Variants in SUN1 observed in about 807,000 individuals in gnomAD.
The protein encoded by SUN1 is Sad1 and UNC84 domain containing 1.
Under a neutral mutation model 103.2 loss-of-function variants are expected in SUN1, and 61 were observed. That is an observed-to-expected ratio of 0.59 (90% CI 0.48 to 0.73). The LOEUF (loss-of-function observed/expected upper bound fraction) is 0.73. Among genes scored for constraint, SUN1 ranks in the 30% least tolerant of loss-of-function variants. The pLI is 0.00. For synonymous variants in SUN1, 490 were observed against 425.7 expected (o/e 1.15, Z -1.86); for missense variants, 1,052 against 1,034.6 (o/e 1.02, Z -0.23).
chr7:869,290 C>T (rs958593682), intron 16 of SUN1, 59 bp from the exon 17 acceptor site: 40 of 1,550,628 alleles, frequency 2.6e-5, no homozygotes, highest in Non-Finnish European at 1.7e-6. Context: ...CCTCTTCCTG[C>T]TGCTAAGTGG....
At chr7:872,089 CTCA>C (rs2128595452) in intron 17 of SUN1, among the ~76,000 whole-genome samples, 1 of 152,304 alleles carries the variant, frequency 6.6e-6, no homozygotes, top group African/African-American at 2.4e-5. Context: ...CTGGTGAGGC[CTCA>C]TCTCCCCGGG....
intron 2 of SUN1, among the ~76,000 whole-genome samples, chr7:840,434 C>T (rs1249208243): frequency 6.6e-6 from 1 of 152,240 alleles, no homozygotes; most frequent in Non-Finnish European, 1.5e-5. Flanking sequence ...CCGCGCCACG[C>T]TCCTGTGGCC....
In SUN1 at chr7:843,602, A is replaced by G. The variant is rs780632372; in HGVS notation, c.658+82A>G. ...CCTTTCTGTAAGTCTCAGTGTCTGC[A>G]CTATTTGTCTTGGAGACTTAAAATT... On this transcript the variant is annotated intron_variant, in intron 5 of 18. Coordinates refer to ENST00000401592, the MANE Select transcript of SUN1 (RefSeq NM_001130965.3). 66 of 1,611,724 alleles carry G rather than the reference A, an allele frequency of 4.1e-5. No individual in the cohort carries two copies. In the African/African-American group the frequency reaches 7.9e-4, roughly 19 times the overall value.
At chr7:851,343 C>T (rs1363099518) in intron 5 of SUN1, 41 bp from the exon 6 acceptor site, 28 of 1,530,258 alleles carry the variant, frequency 1.8e-5, no homozygotes, top group Non-Finnish European at 2.4e-5. Flanking sequence ...GAGGCTGGTC[C>T]CTGGCGTCTG....
chr7:855,490 G>C (rs565076004), intron 11 of SUN1, among the ~76,000 whole-genome samples: 18 of 152,362 alleles, frequency 1.2e-4, no homozygotes, highest in African/African-American at 3.4e-4. Context: ...GAGTCGGGTC[G>C]GGCTCAGGTT....
upstream of SUN1, chr7:816,297 C>G (rs999837045): frequency 4.8e-6 from 1 of 207,060 alleles, no homozygotes; most frequent in African/African-American, 3.5e-5. Flanking sequence ...CCAGCAGGTG[C>G]AGACCCCTCC....
chr7:866,892 G>A (rs1354871480), intron 16 of SUN1, among the ~76,000 whole-genome samples: 2 of 151,096 alleles, frequency 1.3e-5, no homozygotes, highest in Non-Finnish European at 2.9e-5. Context: ...ACTATTGGCT[G>A]TACAAGTTTA....
At chr7:831,273 C>CTTTT (rs66807442), upstream of SUN1, among the ~76,000 whole-genome samples, 1 of 136,198 alleles carries the variant, frequency 7.3e-6, no homozygotes. Context: ...TTGAAACGTG[C>CTTTT]TTTTTTTTTT....
intron 1 of SUN1, among the ~76,000 whole-genome samples, chr7:825,120 A>G (rs935394079): frequency 6.1e-4 from 93 of 151,510 alleles, no homozygotes; most frequent in Admixed American, 4.6e-3. Flanking sequence ...GTGCAGTGGC[A>G]CGATCTCAGC....
upstream of SUN1, among the ~76,000 whole-genome samples, chr7:828,259 TG>T (rs1231229665): frequency 6.6e-5 from 8 of 121,020 alleles, no homozygotes; most frequent in East Asian, 2.5e-4. Context: ...TTTTTGTTTT[TG>T]TTTTTTGTTT....
intron 6 of SUN1, 196 bp downstream of exon 6, chr7:851,678 G>A (rs1822304027): frequency 3.0e-6 from 2 of 661,186 alleles, no homozygotes; most frequent in African/African-American, 3.6e-5. Context: ...TGGTTTCTCT[G>A]GGGTTGGGTC....
intron 15 of SUN1, among the ~76,000 whole-genome samples, chr7:861,816 G>A (rs1339510199): frequency 6.6e-6 from 1 of 152,220 alleles, no homozygotes; most frequent in Non-Finnish European, 1.5e-5. Context: ...TCTCCCCGAG[G>A]GCGTCCACTC....
intron 17 of SUN1, 82 bp downstream of exon 17, chr7:869,598 G>C: frequency 1.3e-6 from 2 of 1,513,294 alleles, no homozygotes; most frequent in Non-Finnish European, 1.8e-6. Context: ...TGAGCGCACT[G>C]GGGACGGCTG....
At chr7:826,481 G>A (rs1375266904) in intron 1 of SUN1, among the ~76,000 whole-genome samples, 2 of 152,220 alleles carry the variant, frequency 1.3e-5, no homozygotes, top group African/African-American at 4.8e-5. Context: ...CTGCTGGTAG[G>A]CCCTGCCGAG....
At chr7:873,085 T>A in intron 18 of SUN1, 130 bp from the exon 19 acceptor site, 1 of 863,354 alleles carries the variant, frequency 1.2e-6, no homozygotes, top group South Asian at 1.5e-5. Context: ...AGACTCTGTC[T>A]CAACAACAAC....
intron 1 of SUN1, among the ~76,000 whole-genome samples, chr7:837,423 G>C (rs956198045): frequency 3.9e-5 from 6 of 152,150 alleles, no homozygotes; most frequent in African/African-American, 1.4e-4. Flanking sequence ...TCTGTCTCTG[G>C]TTTTCAATTG....
At chr7:843,148 A>G in intron 3 of SUN1, 58 bp from the exon 4 acceptor site, 3 of 1,592,598 alleles carry the variant, frequency 1.9e-6, no homozygotes, top group South Asian at 1.1e-5. Flanking sequence ...TTTTGTTCTT[A>G]TTTGATAAGC....
intron 1 of SUN1, among the ~76,000 whole-genome samples, chr7:822,935 C>T (rs909508563): frequency 6.6e-6 from 1 of 152,018 alleles, no homozygotes; most frequent in Non-Finnish European, 1.5e-5. Context: ...CACACACACA[C>T]GGCCCTGTGG....
chr7:849,471 T>G, intron 5 of SUN1: 25 of 1,305,456 alleles, frequency 1.9e-5, no homozygotes, highest in Non-Finnish European at 2.5e-5. Flanking sequence ...GAGAAGCACT[T>G]GAGCTTGGCG....
Sources: gnomAD v4.1 joint callset for allele counts (sites outside exome capture counted in the v4.1 genomes callset) on GRCh38, gnomAD v4.1.1 for gene constraint, MANE v1.5 for transcripts, NCBI Gene and HGNC (gene_info 2026-07-23, HGNC 2026-07-21) for gene names.